Variants in SLC10A7 observed in about 807,000 individuals in gnomAD.
SLC10A7 encodes the protein sodium/bile acid cotransporter 7.
In SLC10A7, 29 loss-of-function variants were observed where a neutral mutation model predicts 43.2. That is an observed-to-expected ratio of 0.67 (90% CI 0.50 to 0.92). SLC10A7 has a LOEUF of 0.92. SLC10A7 is among the 40% of genes least tolerant of loss of function. The probability of loss-of-function intolerance (pLI) is 0.00; values close to 1 mark genes in which losing one functional copy is unlikely to be tolerated. For synonymous variants in SLC10A7, 152 were observed against 144.8 expected, an observed-to-expected ratio of 1.05 and a Z score of -0.35; for missense variants, 295 against 403.2, an observed-to-expected ratio of 0.73 and a Z score of 2.30.
At chr4:146,462,197 T>C (rs1732600993) in intron 4 of SLC10A7, among the ~76,000 whole-genome samples, 1 of 152,148 alleles carries the variant, frequency 6.6e-6, no homozygotes, top group Non-Finnish European at 1.5e-5. Context: ...AATGTGGATC[T>C]TCTCTTTTTT....
intron 5 of SLC10A7, among the ~76,000 whole-genome samples, chr4:146,350,602 G>A (rs1159776872): frequency 7.3e-6 from 1 of 136,938 alleles, no homozygotes; most frequent in Non-Finnish European, 1.6e-5. Flanking sequence ...CAAAAAGACA[G>A]CAGTAACCTC....
chr4:146,255,272 T>C lies in SLC10A7; in HGVS notation c.*1219A>G, dbSNP rs1229825476. On this transcript the variant is annotated 3_prime_UTR_variant, in exon 12 of 12. Coordinates refer to ENST00000335472, the MANE Select transcript of SLC10A7 (RefSeq NM_001029998.6). ...CTTGCAGCTATAGCAGAAGCAAATA[T>C]TGGACACTCATTTGAAAGCTGCTGC... 6.6e-6 allele frequency: 1 copy of C among 152,652 alleles called. No individual in the cohort carries two copies. The highest frequency in any genetic ancestry group is 2.4e-5 in the African/African-American group (1 of 41,450). 9.5% of individuals were successfully genotyped at this position (152,652 alleles called of 1,614,324 possible).
chr4:146,256,626 A>G (rs1466245170), intron 11 of SLC10A7, 106 bp from the exon 12 acceptor site: 1 of 1,248,260 alleles, frequency 8.0e-7, no homozygotes, highest in Non-Finnish European at 1.2e-6. Context: ...GAAGAGGCCC[A>G]CCCAGATGGC....
intron 10 of SLC10A7, among the ~76,000 whole-genome samples, chr4:146,271,817 C>T (rs558015290): frequency 2.0e-5 from 3 of 152,304 alleles, no homozygotes; most frequent in African/African-American, 7.2e-5. Flanking sequence ...TGCCTCAGGT[C>T]TTTGCCTTCA....
intron 5 of SLC10A7, among the ~76,000 whole-genome samples, chr4:146,436,585 C>T (rs1730234055): frequency 6.6e-6 from 1 of 151,942 alleles, no homozygotes; most frequent in African/African-American, 2.4e-5. Flanking sequence ...TGAGAAGCGA[C>T]CTCAGAGAAC....
intron 5 of SLC10A7, among the ~76,000 whole-genome samples, chr4:146,396,827 C>T (rs1738862417): frequency 6.6e-6 from 1 of 150,742 alleles, no homozygotes; most frequent in Non-Finnish European, 1.5e-5. Context: ...ATTGAGGGAC[C>T]AGCCCCTTTA....
At chr4:146,346,362 T>C (rs1366438991) in intron 5 of SLC10A7, among the ~76,000 whole-genome samples, 1 of 152,148 alleles carries the variant, frequency 6.6e-6, no homozygotes, top group Non-Finnish European at 1.5e-5. Flanking sequence ...GCAATATGTG[T>C]AATGTATTTT....
chr4:146,283,336 A>AG, intron 9 of SLC10A7, 71 bp from the exon 10 acceptor site: 4 of 1,149,312 alleles, frequency 3.5e-6, no homozygotes, highest in Non-Finnish European at 5.2e-6. Flanking sequence ...AATCAAATGT[A>AG]GTACCTACCT....
intron 5 of SLC10A7, among the ~76,000 whole-genome samples, chr4:146,349,957 C>A (rs920439212): frequency 8.5e-5 from 13 of 152,070 alleles, no homozygotes; most frequent in African/African-American, 2.7e-4. Flanking sequence ...TAGTAACAGT[C>A]CTGTACATGT....
intron 4 of SLC10A7, among the ~76,000 whole-genome samples, chr4:146,445,294 C>T (rs1035133843): frequency 7.2e-5 from 11 of 152,116 alleles, no homozygotes; most frequent in Admixed American, 5.2e-4. Flanking sequence ...ATGGGACTCG[C>T]GAAGGGGTTG....
At chr4:146,326,272 C>G (rs545093758) in intron 5 of SLC10A7, among the ~76,000 whole-genome samples, 6 of 152,204 alleles carry the variant, frequency 3.9e-5, no homozygotes, top group African/African-American at 1.4e-4. Flanking sequence ...CCACATTGCA[C>G]GTGGATCATA....
At chr4:146,371,039 C>T (rs993190687) in intron 5 of SLC10A7, among the ~76,000 whole-genome samples, 7 of 152,146 alleles carry the variant, frequency 4.6e-5, no homozygotes, top group African/African-American at 1.7e-4. Flanking sequence ...TTTCAGAGCA[C>T]GTATTATATG....
chr4:146,462,560 T>C (rs543037170), intron 4 of SLC10A7, among the ~76,000 whole-genome samples: 41 of 152,302 alleles, frequency 2.7e-4, no homozygotes, highest in African/African-American at 8.4e-4. Flanking sequence ...GTAGCTAAGA[T>C]ATATATGAAT....
chr4:146,268,589 G>A (rs372997960), intron 10 of SLC10A7, among the ~76,000 whole-genome samples: 2 of 152,216 alleles, frequency 1.3e-5, no homozygotes, highest in African/African-American at 4.8e-5. Context: ...CTTACACAGC[G>A]TTTACTATAT....
chr4:146,439,870 G>A (rs561669986), intron 5 of SLC10A7, among the ~76,000 whole-genome samples: 1 of 152,146 alleles, frequency 6.6e-6, no homozygotes, highest in East Asian at 1.9e-4. Flanking sequence ...ACAAATAGCT[G>A]TAACAAGTAC....
chr4:146,491,562 C>T (rs985375761), intron 4 of SLC10A7, among the ~76,000 whole-genome samples: 56 of 149,788 alleles, frequency 3.7e-4, no homozygotes, highest in African/African-American at 1.3e-3. Context: ...GGAAAAAAGG[C>T]GAGGGAAAGA....
At chr4:146,456,862 G>A (rs1330140738) in intron 4 of SLC10A7, among the ~76,000 whole-genome samples, 2 of 151,940 alleles carry the variant, frequency 1.3e-5, no homozygotes, top group African/African-American at 4.8e-5. Flanking sequence ...CCATCCCAAA[G>A]CTATCCAGGA....
At chr4:146,509,570 T>C (rs1457602049) in intron 3 of SLC10A7, among the ~76,000 whole-genome samples, 1 of 152,238 alleles carries the variant, frequency 6.6e-6, no homozygotes, top group East Asian at 1.9e-4. Context: ...ACACACATTA[T>C]ACTCAGCTAT....
intron 10 of SLC10A7, among the ~76,000 whole-genome samples, chr4:146,263,301 T>C (rs991690853): frequency 5.3e-5 from 8 of 152,226 alleles, no homozygotes; most frequent in African/African-American, 1.9e-4. Flanking sequence ...GCCTGCTTCT[T>C]GTGCATTTCC....
Sources: allele counts gnomAD v4.1 joint callset (sites outside exome capture counted in the v4.1 genomes callset), GRCh38; gene constraint gnomAD v4.1.1; transcripts MANE v1.5; gene names NCBI Gene and HGNC (gene_info 2026-07-23, HGNC 2026-07-21).